The following THADA variants were observed in gnomAD, a reference collection of about 807,000 sequenced individuals.
THADA encodes THADA armadillo repeat containing, also known as tRNA (32-2'-O)-methyltransferase regulator THADA.
THADA carries 213 observed loss-of-function variants against 219.8 expected under a neutral mutation model. That is an observed-to-expected ratio of 0.97 (90% confidence interval 0.87 to 1.09). THADA has a LOEUF of 1.09. Among genes scored for constraint, THADA ranks in the 50% least tolerant of loss-of-function variants. The pLI is 0.00. For synonymous variants in THADA, 1,018 were observed against 828.9 expected (o/e 1.23, Z -3.92); for missense variants, 2,956 against 2,311.3 (o/e 1.28, Z -5.72).
intron 35 of THADA, among the ~76,000 whole-genome samples, chr2:43,286,043 T>C (rs1673962421): frequency 6.6e-6 from 1 of 152,220 alleles, no homozygotes; most frequent in Admixed American, 6.5e-5. Flanking sequence ...TTGAGCCTGT[T>C]CTCTCTTCCT....
chr2:43,294,035 A>C (rs1303117525), intron 31 of THADA, among the ~76,000 whole-genome samples: 1 of 152,206 alleles, frequency 6.6e-6, no homozygotes, highest in African/African-American at 2.4e-5. Context: ...GACGTGGTCT[A>C]CTGATGGTGG....
At chr2:43,357,788 T>G (rs1467065998) in intron 29 of THADA, among the ~76,000 whole-genome samples, 6 of 152,232 alleles carry the variant, frequency 3.9e-5, no homozygotes, top group Admixed American at 3.9e-4. Context: ...AAAAATATTA[T>G]GATCCCATTT....
intron 29 of THADA, among the ~76,000 whole-genome samples, chr2:43,358,873 A>T (rs1176561664): frequency 6.6e-6 from 1 of 152,224 alleles, no homozygotes; most frequent in East Asian, 1.9e-4. Context: ...TTCAAAGGTC[A>T]TCAAAGTAAA....
intron 7 of THADA, among the ~76,000 whole-genome samples, chr2:43,583,671 T>C (rs1700695539): frequency 6.6e-6 from 1 of 152,164 alleles, no homozygotes; most frequent in Admixed American, 6.5e-5. Flanking sequence ...AAATTGTCCA[T>C]CGACAGATTG....
At chr2:43,328,440 C>T (rs1373228922) in intron 30 of THADA, among the ~76,000 whole-genome samples, 1 of 152,208 alleles carries the variant, frequency 6.6e-6, no homozygotes, top group African/African-American at 2.4e-5. Context: ...TTTATACTCA[C>T]AGCCATATGT....
intron 28 of THADA, among the ~76,000 whole-genome samples, chr2:43,409,197 C>G (rs565162190): frequency 2.0e-5 from 3 of 152,298 alleles, no homozygotes; most frequent in Admixed American, 6.5e-5. Context: ...AATTTGATTA[C>G]TTTGCAGAGA....
At chr2:43,488,961 T>C (rs1687258967) in intron 25 of THADA, among the ~76,000 whole-genome samples, 1 of 152,216 alleles carries the variant, frequency 6.6e-6, no homozygotes, top group African/African-American at 2.4e-5. Context: ...CATCTGCCTA[T>C]CTTTTTTGGA....
At chr2:43,286,784 T>C (rs1674070338) in intron 35 of THADA, 124 bp downstream of exon 35, 1 of 1,104,936 alleles carries the variant, frequency 9.1e-7, no homozygotes, top group African/African-American at 1.6e-5. Context: ...GGTAGGAATA[T>C]AACTGAAAGA....
At position 43,586,963 on chromosome 2, in the gene THADA, A is replaced by G. The variant is rs758943666; in HGVS notation, c.342T>C (p.Ala114=). The change falls in exon 5 of 38, where the codon GCT becomes GCC. Residue 114 remains alanine, a synonymous_variant. Coordinates refer to ENST00000405975, the MANE Select transcript of THADA (RefSeq NM_022065.5). ...GAAGACGAGAAGTAAAACGGTGCATAGCCTCAGGTAGAAAAAAATCAGGCA... is the reference window on the plus strand; with the variant it reads ...GAAGACGAGAAGTAAAACGGTGCATGGCCTCAGGTAGAAAAAAATCAGGCA... The part of the protein sequence containing the change: ...NSLPDFFLPE[A]MHRFTSRLQE... 4 of 1,613,760 alleles carry G rather than the reference A, an allele frequency of 2.5e-6. No individual in the cohort carries two copies. Among genetic ancestry groups the G allele is most frequent in the Non-Finnish European group, 3.4e-6 (4 of 1,179,800 alleles).
At chr2:43,533,388 G>C (rs985813587) in intron 21 of THADA, among the ~76,000 whole-genome samples, 3 of 152,092 alleles carry the variant, frequency 2.0e-5, no homozygotes, top group South Asian at 4.2e-4. Context: ...CCCATTACTG[G>C]GTATGTACCC....
intron 28 of THADA, among the ~76,000 whole-genome samples, chr2:43,419,118 C>A (rs778016800): frequency 6.6e-6 from 1 of 152,158 alleles, no homozygotes; most frequent in Non-Finnish European, 1.5e-5. Context: ...TCCACATCTT[C>A]TCTTGCAAAT....
At chr2:43,578,635 G>A in intron 8 of THADA, 28 bp from the exon 9 acceptor site, 1 of 1,501,868 alleles carries the variant, frequency 6.7e-7, no homozygotes, top group Non-Finnish European at 9.1e-7. Flanking sequence ...AGAGAAGCTT[G>A]TGTTAAATAA....
At chr2:43,358,964 A>G (rs946053686) in intron 29 of THADA, among the ~76,000 whole-genome samples, 2 of 152,214 alleles carry the variant, frequency 1.3e-5, no homozygotes, top group African/African-American at 4.8e-5. Context: ...GGAAAAAATG[A>G]TTCCTCTAAG....
At chr2:43,440,998 T>C (rs1201351426) in intron 26 of THADA, among the ~76,000 whole-genome samples, 1 of 152,220 alleles carries the variant, frequency 6.6e-6, no homozygotes, top group Non-Finnish European at 1.5e-5. Context: ...AGAAGGTACT[T>C]ACTGAAAATT....
intron 28 of THADA, among the ~76,000 whole-genome samples, chr2:43,403,628 C>A (rs538343045): frequency 2.7e-4 from 41 of 152,236 alleles, no homozygotes; most frequent in African/African-American, 9.6e-4. Flanking sequence ...AGTTCCTCCC[C>A]ATTTCCTGGC....
chr2:43,380,518 T>C (rs1001227862), intron 29 of THADA, among the ~76,000 whole-genome samples: 2 of 152,214 alleles, frequency 1.3e-5, no homozygotes, highest in African/African-American at 4.8e-5. Flanking sequence ...GTCAAAGACG[T>C]CAGTATGAAC....
chr2:43,311,198 C>T (rs776549184), intron 31 of THADA, among the ~76,000 whole-genome samples: 2 of 151,816 alleles, frequency 1.3e-5, no homozygotes, highest in Non-Finnish European at 2.9e-5. Flanking sequence ...AGAGACAACT[C>T]ACTTAAAAAT....
At chr2:43,491,607 C>T (rs903210247) in intron 25 of THADA, among the ~76,000 whole-genome samples, 1 of 152,150 alleles carries the variant, frequency 6.6e-6, no homozygotes, top group African/African-American at 2.4e-5. Context: ...CCTACATACT[C>T]AGCATGGTAG....
intron 35 of THADA, among the ~76,000 whole-genome samples, chr2:43,284,008 G>A (rs1311654814): frequency 6.6e-6 from 1 of 152,140 alleles, no homozygotes; most frequent in Non-Finnish European, 1.5e-5. Context: ...GTGAAACCCT[G>A]TCTCTACTAA....
Sources: gnomAD v4.1 joint callset for allele counts (sites outside exome capture counted in the v4.1 genomes callset) on GRCh38, gnomAD v4.1.1 for gene constraint, MANE v1.5 for transcripts, NCBI Gene and HGNC (gene_info 2026-07-23, HGNC 2026-07-21) for gene names.